The following CLVS1 variants were observed in gnomAD, a reference collection of about 807,000 sequenced individuals.
The protein encoded by CLVS1 is clavesin-1.
A neutral mutation model predicts 33.1 loss-of-function variants in CLVS1; 10 were observed. The ratio of observed to expected loss-of-function variants is 0.30; its 90% CI spans 0.19 to 0.51. The LOEUF is 0.51. CLVS1 is among the 20% of genes least tolerant of loss of function. The probability of loss-of-function intolerance (pLI) is 0.97; values close to 1 mark genes in which losing one functional copy is unlikely to be tolerated. For synonymous variants in CLVS1, 163 were observed against 166.1 expected (o/e 0.98, Z 0.14); for missense variants, 343 against 433.4 (o/e 0.79, Z 1.85).
At chr8:61,115,305 T>G (rs1358120590) in intron 1 of CLVS1, among the ~76,000 whole-genome samples, 1 of 152,028 alleles carries the variant, frequency 6.6e-6, no homozygotes, top group Non-Finnish European at 1.5e-5. Context: ...GTCTAGCAAA[T>G]AGTAAGGATT....
At chr8:61,307,487 C>T (rs1052794273) in intron 2 of CLVS1, among the ~76,000 whole-genome samples, 3 of 151,922 alleles carry the variant, frequency 2.0e-5, no homozygotes, top group Non-Finnish European at 4.4e-5. Context: ...TGAGGAAGGA[C>T]CTCAGACTCA....
chr8:61,030,984 A>G, the CLVS1 span, among the ~76,000 whole-genome samples: 8 of 152,296 alleles, frequency 5.3e-5, no homozygotes, highest in Non-Finnish European at 1.0e-4. Flanking sequence ...ATTTCAGTGC[A>G]GTGTTGTTGT....
At chr8:61,029,214 G>A in the CLVS1 span, among the ~76,000 whole-genome samples, 4 of 152,318 alleles carry the variant, frequency 2.6e-5, no homozygotes, top group East Asian at 7.7e-4. Flanking sequence ...TGTGAGAGGA[G>A]GGTTGAGGAC....
chr8:61,162,183 C>T (rs1054054968), intron 2 of CLVS1, among the ~76,000 whole-genome samples: 1 of 152,158 alleles, frequency 6.6e-6, no homozygotes, highest in African/African-American at 2.4e-5. Flanking sequence ...TTCAAAATTG[C>T]CTATATTCCC....
intron 2 of CLVS1, among the ~76,000 whole-genome samples, chr8:61,323,647 ACT>A (rs1811275114): frequency 6.7e-6 from 1 of 148,358 alleles, no homozygotes; most frequent in African/African-American, 2.6e-5. Flanking sequence ...GAGAGCAGTA[ACT>A]CTTTTTTTTT....
chr8:61,463,789 G>A (rs922882258), intron 5 of CLVS1, among the ~76,000 whole-genome samples: 15 of 152,014 alleles, frequency 9.9e-5, no homozygotes, highest in Non-Finnish European at 2.1e-4. Flanking sequence ...AGTTTGGGCC[G>A]GGTGCAGTGG....
chr8:61,018,612 C>T, the CLVS1 span, among the ~76,000 whole-genome samples: 22 of 152,180 alleles, frequency 1.4e-4, no homozygotes, highest in Non-Finnish European at 2.8e-4. Context: ...CATTTCAGGT[C>T]ACATTTCTCC....
intron 3 of CLVS1, among the ~76,000 whole-genome samples, chr8:61,414,135 T>A (rs941271961): frequency 1.3e-5 from 2 of 152,236 alleles, no homozygotes; most frequent in Non-Finnish European, 2.9e-5. Context: ...TCTGGCTTCC[T>A]GCCCCAAAGT....
intron 2 of CLVS1, among the ~76,000 whole-genome samples, chr8:61,181,088 T>C (rs931117128): frequency 2.0e-5 from 3 of 152,216 alleles, no homozygotes; most frequent in Non-Finnish European, 2.9e-5. Flanking sequence ...GAAAACTCCA[T>C]AGTCTCAGCC....
intron 2 of CLVS1, among the ~76,000 whole-genome samples, chr8:61,207,574 A>G (rs1310505343): frequency 6.6e-6 from 1 of 152,162 alleles, no homozygotes; most frequent in Non-Finnish European, 1.5e-5. Context: ...ATGCAGTTTC[A>G]TTGTCTGCAG....
chr8:61,468,830 T>G (rs144123217), intron 5 of CLVS1, among the ~76,000 whole-genome samples: 9 of 151,568 alleles, frequency 5.9e-5, no homozygotes, highest in African/African-American at 2.2e-4. Flanking sequence ...AAACTCACAG[T>G]CTGATGACAG....
intron 2 of CLVS1, among the ~76,000 whole-genome samples, chr8:61,160,983 A>C (rs1806739628): frequency 6.6e-6 from 1 of 152,256 alleles, no homozygotes; most frequent in South Asian, 2.1e-4. Context: ...CCCAATAGTA[A>C]GAAAATAAAT....
chr8:61,021,850 G>A, the CLVS1 span, among the ~76,000 whole-genome samples: 1 of 152,102 alleles, frequency 6.6e-6, no homozygotes, highest in African/African-American at 2.4e-5. Context: ...GTATCCAATA[G>A]TTATTATAGT....
chr8:61,032,029 A>T, the CLVS1 span, among the ~76,000 whole-genome samples: 5 of 152,338 alleles, frequency 3.3e-5, no homozygotes, highest in African/African-American at 7.2e-5. Flanking sequence ...AAGAAACAGG[A>T]TCTTCATGTA....
chr8:61,456,071 T>C (rs919942488), intron 4 of CLVS1, among the ~76,000 whole-genome samples: 3 of 152,244 alleles, frequency 2.0e-5, no homozygotes, highest in Non-Finnish European at 4.4e-5. Context: ...CAGCAACTTA[T>C]TCTTCTATTC....
At chr8:61,288,276 C>A in intron 1 of CLVS1, 138 bp downstream of exon 1, 2 of 456,430 alleles carry the variant, frequency 4.4e-6, no homozygotes, top group Non-Finnish European at 8.8e-6. Flanking sequence ...TGCACTCCAT[C>A]CCTCCCGCAC....
chr8:61,443,992 T>C (rs1476253900), intron 3 of CLVS1, among the ~76,000 whole-genome samples: 1 of 152,132 alleles, frequency 6.6e-6, no homozygotes, highest in Non-Finnish European at 1.5e-5. Context: ...TTTGAGCAAT[T>C]ATATATAGTA....
the CLVS1 span, among the ~76,000 whole-genome samples, chr8:61,034,564 C>T: frequency 6.6e-6 from 1 of 152,134 alleles, no homozygotes; most frequent in African/African-American, 2.4e-5. Context: ...CCATTCCCCT[C>T]TCTGCTTGTA....
chr8:61,153,906 T>C (rs1204749471), intron 2 of CLVS1, among the ~76,000 whole-genome samples: 2 of 152,156 alleles, frequency 1.3e-5, no homozygotes, highest in African/African-American at 4.8e-5. Context: ...ACCAATACAA[T>C]TGGATGAGGT....
Sources: gnomAD v4.1 joint callset for allele counts (sites outside exome capture counted in the v4.1 genomes callset) on GRCh38, gnomAD v4.1.1 for gene constraint, MANE v1.5 for transcripts, NCBI Gene and HGNC (gene_info 2026-07-23, HGNC 2026-07-21) for gene names.